The following ATM variants were observed in gnomAD, a reference collection of about 807,000 sequenced individuals.
ATM encodes ATM serine/threonine kinase.
Under a neutral mutation model 387.0 loss-of-function variants are expected in ATM, and 308 were observed. The observed-to-expected ratio is 0.80, with a 90% CI of 0.73 to 0.87. The LOEUF is 0.87. Ranked by LOEUF, ATM falls within the 40% of genes least tolerant of loss-of-function variation. The probability of loss-of-function intolerance (pLI) is 0.00; values close to 1 mark genes in which losing one functional copy is unlikely to be tolerated. For synonymous variants in ATM, 1,156 were observed against 1,187.3 expected (o/e 0.97, Z 0.54); for missense variants, 3,312 against 3,560.9 (o/e 0.93, Z 1.78).
chr11:108,320,098 A>T (rs993728152), intron 44 of ATM, 40 bp downstream of exon 44: 1 of 1,411,514 alleles, frequency 7.1e-7, no homozygotes, highest in African/African-American at 1.4e-5. Context: ...TTAACATTTA[A>T]TGTCATGGCT....
chr11:108,306,777 G>A (rs918461221), intron 37 of ATM, among the ~76,000 whole-genome samples: 1 of 152,164 alleles, frequency 6.6e-6, no homozygotes, highest in Non-Finnish European at 1.5e-5. Context: ...CTCAAACTCA[G>A]CTGTCCAAAA....
chr11:108,289,337 A>C (rs2082659105), intron 28 of ATM, among the ~76,000 whole-genome samples: 1 of 152,174 alleles, frequency 6.6e-6, no homozygotes, highest in African/African-American at 2.4e-5. Flanking sequence ...AGCTCAGGGA[A>C]TATATCTACT....
In ATM at chr11:108,260,647, C is replaced by T. The variant is rs138105016; in HGVS notation, c.2466+1572C>T. 5.4e-4 allele frequency among the ~76,000 whole-genome samples: 82 copies of T among 152,202 alleles called. No homozygotes were observed. The East Asian group carries it at 0.013, about 24-fold the overall frequency. The stretch of plus-strand genomic sequence containing the variant: ...ATTTTGAGGGAGGAGCCAAGATGGC[C>T]GAATAGGAACAGCTCCGGTCTACAG... On this transcript the variant is annotated intron_variant, in intron 16 of 62. Coordinates refer to ENST00000675843, the MANE Select transcript of ATM (RefSeq NM_000051.4).
At chr11:108,293,226 A>C in intron 30 of ATM, 87 bp from the exon 31 acceptor site, 1 of 868,736 alleles carries the variant, frequency 1.2e-6, no homozygotes, top group Non-Finnish European at 1.7e-6. Flanking sequence ...AGGTTAATAG[A>C]TTTTATCATT....
intron 52 of ATM, 114 bp from the exon 53 acceptor site, chr11:108,332,648 A>G: frequency 8.8e-7 from 1 of 1,135,430 alleles, no homozygotes. Flanking sequence ...AATTATAATC[A>G]TTCCATTGTC....
Position 108,365,068 on chromosome 11 carries a change from TTCTC to T in ATM, c.8851-10_8851-7del, listed in dbSNP as rs1591384042. The stretch of plus-strand genomic sequence containing the variant: ...GTACATTGTTCTTTTAATACATATG[TTCTC>T]TCTGTTTAGGTCCTTCTATATGATC... On this transcript the variant is annotated splice_polypyrimidine_tract_variant and intron_variant, in intron 61 of 62. Transcript: ENST00000675843. The T allele has an allele frequency of 1.2e-6, 2 of 1,613,356 alleles. No individual in the cohort carries two copies. Among genetic ancestry groups the T allele is most frequent in the African/African-American group, 2.7e-5 (2 of 74,918 alleles).
chr11:108,345,167 G>A (rs1449831476), intron 57 of ATM, among the ~76,000 whole-genome samples: 1 of 152,210 alleles, frequency 6.6e-6, no homozygotes, highest in Non-Finnish European at 1.5e-5. Context: ...TGATCCAAGT[G>A]AAGATGCTGA....
chr11:108,301,830 C>G lies in ATM; in HGVS notation c.5319+41C>G, dbSNP rs765308308. 4 of 1,601,912 alleles carry G rather than the reference C, an allele frequency of 2.5e-6. No homozygotes were observed. The Admixed American group carries it at 6.7e-5, about 27-fold the overall frequency. ...AATGTTTATTGAATACCCAGCATAT[C>G]TAAAACAGTTCTGTTTGCTGTGGGT... is the stretch of plus-strand genomic sequence containing the variant. On this transcript the variant is annotated intron_variant, in intron 35 of 62. Transcript: ENST00000675843.
chr11:108,343,756 G>A (rs751410892), intron 57 of ATM, among the ~76,000 whole-genome samples: 1 of 152,098 alleles, frequency 6.6e-6, no homozygotes, highest in Non-Finnish European at 1.5e-5. Flanking sequence ...AGGCCAGCCT[G>A]GGCAACAGAG....
At chr11:108,301,286 T>C (rs1204381425) in intron 34 of ATM, among the ~76,000 whole-genome samples, 2 of 152,214 alleles carry the variant, frequency 1.3e-5, no homozygotes, top group Non-Finnish European at 2.9e-5. Flanking sequence ...GGAAAAACTT[T>C]AGATCTTCAA....
At position 108,321,287 on chromosome 11, in the gene ATM, T is replaced by C. The variant is rs1380071831; in HGVS notation, c.6453-14T>C. 1 of 1,613,928 alleles carries C rather than the reference T, an allele frequency of 6.2e-7. No homozygotes were observed. Among genetic ancestry groups the C allele is most frequent in the South Asian group, 1.1e-5 (1 of 91,076 alleles). ...TTCTTTATTTTCAGAGTGTCTTTTC[T>C]TTTTTGCTACTAGAGTAAAAGAAGT... On this transcript the variant is annotated splice_polypyrimidine_tract_variant and intron_variant, in intron 44 of 62. Coordinates refer to ENST00000675843, the MANE Select transcript of ATM (RefSeq NM_000051.4).
Position 108,332,769 on chromosome 11 carries a change from C to T in ATM, c.7796C>T (p.Thr2599Ile), listed in dbSNP as rs2086404569. The T allele has an allele frequency of 6.2e-7, 1 of 1,612,682 alleles. No individual in the cohort carries two copies. Among genetic ancestry groups the T allele is most frequent in the Non-Finnish European group, 8.5e-7 (1 of 1,179,666 alleles). Reference protein sequence around the residue: ...KQSSQLDEDRTEAANRIICTI... With the variant: ...KQSSQLDEDRIEAANRIICTI... ...TTTGTTTTTTATTAATAGGATCGAA[C>T]AGAGGCTGCAAATAGAATAATATGT... Residue 2599 changes from threonine (T) to isoleucine (I), a missense_variant, in exon 53 of 63, where the codon ACA becomes ATA. Transcript: ENST00000675843.
intron 52 of ATM, among the ~76,000 whole-genome samples, chr11:108,332,361 G>C (rs953251499): frequency 2.0e-5 from 3 of 152,138 alleles, no homozygotes; most frequent in Non-Finnish European, 4.4e-5. Flanking sequence ...GAACTCGGGA[G>C]GCGGAGGTTG....
In ATM at chr11:108,267,310, C is replaced by A. The variant is rs145513717; in HGVS notation, c.2606C>A (p.Ala869Glu). Residue 869 changes from alanine (A) to glutamate (E), a missense_variant, in exon 17 of 63, where the codon GCA (alanine) becomes GAA (glutamate). Transcript: ENST00000675843. ...TACCCTGATAGTAGTGTTAGTGATG[C>A]AAACGAACCTGGAGAGAGCCAAAGT... ...NDYPDSSVSD[A>E]NEPGESQSTI... 1.3e-5 allele frequency: 21 copies of A among 1,614,024 alleles called. No individual in the cohort carries two copies. In the South Asian group the frequency reaches 2.3e-4, roughly 18 times the overall value.
rs1406104286 is a variant in ATM at position 108,254,843 on chromosome 11, T to C, written c.2124+804T>C. Among the ~76,000 whole-genome samples, 4 of 152,136 alleles carry C rather than the reference T, an allele frequency of 2.6e-5. No homozygotes were observed. The East Asian group carries it at 7.7e-4, about 29-fold the overall frequency. ...TTTGTATTTTTAGTAGAGATGGGGT[T>C]TTGCTATGTTGGCCAGGCTGGTCTT... On this transcript the variant is annotated intron_variant, in intron 13 of 62. Transcript: ENST00000675843.
chr11:108,271,171 T>C (rs1265358996), intron 19 of ATM, 25 bp downstream of exon 19: 13 of 1,613,770 alleles, frequency 8.1e-6, no homozygotes, highest in Non-Finnish European at 1.1e-5. Context: ...CCTTATGTTA[T>C]GTTCACTTTA....
intron 36 of ATM, 150 bp downstream of exon 36, chr11:108,303,179 C>G (rs1323968415): frequency 1.2e-6 from 1 of 868,138 alleles, no homozygotes; most frequent in Non-Finnish European, 1.7e-6. Context: ...TTAGTCATAA[C>G]TTTATGCATT....
At chr11:108,251,195 G>T (rs2080130900) in intron 10 of ATM, 123 bp downstream of exon 10, 2 of 1,440,914 alleles carry the variant, frequency 1.4e-6, no homozygotes, top group Admixed American at 1.9e-5. Context: ...TTCTATTTCA[G>T]ATGCTTTTCT....
chr11:108,316,427 T>C (rs2084656432), intron 42 of ATM, among the ~76,000 whole-genome samples: 1 of 152,144 alleles, frequency 6.6e-6, no homozygotes, highest in Non-Finnish European at 1.5e-5. Flanking sequence ...TGCCAGGTAG[T>C]GTACTTACTG....
Sources: allele counts gnomAD v4.1 joint callset (sites outside exome capture counted in the v4.1 genomes callset), GRCh38; gene constraint gnomAD v4.1.1; transcripts MANE v1.5; gene names NCBI Gene and HGNC (gene_info 2026-07-23, HGNC 2026-07-21).